Variants in RGS8 observed in about 807,000 individuals in gnomAD.
The protein encoded by RGS8 is regulator of G-protein signaling 8.
RGS8 carries 8 observed loss-of-function variants against 21.7 expected under a neutral mutation model. That is an observed-to-expected ratio of 0.37 (90% CI 0.22 to 0.66). The LOEUF (loss-of-function observed/expected upper bound fraction) is 0.66. Ranked by LOEUF, RGS8 falls within the 30% of genes least tolerant of loss-of-function variation. The pLI is 0.59. For synonymous variants in RGS8, 80 were observed against 83.6 expected (o/e 0.96, Z 0.24); for missense variants, 157 against 217.9 (o/e 0.72, Z 1.76).
At chr1:182,725,624 G>C in the RGS8 span, among the ~76,000 whole-genome samples, 1 of 152,184 alleles carries the variant, frequency 6.6e-6, no homozygotes, top group African/African-American at 2.4e-5. Flanking sequence ...CTGAATCCTA[G>C]GAGTGGGGAC....
exon 7 of RGS8, chr1:182,646,873 C>A: frequency 1.2e-6 from 2 of 1,614,090 alleles, no homozygotes; most frequent in Non-Finnish European, 1.7e-6. Context: ...ATGGCTCCTG[C>A]AGGTTCTTCC....
the RGS8 span, among the ~76,000 whole-genome samples, chr1:182,740,971 G>A: frequency 5.3e-5 from 8 of 152,036 alleles, no homozygotes; most frequent in African/African-American, 1.4e-4. Flanking sequence ...CACAGACACG[G>A]CAACCATCCG....
At chr1:182,719,409 G>A in the RGS8 span, among the ~76,000 whole-genome samples, 1 of 150,428 alleles carries the variant, frequency 6.6e-6, no homozygotes, top group Non-Finnish European at 1.5e-5. Flanking sequence ...CACATGAATT[G>A]TTTGAAAATT....
the RGS8 span, among the ~76,000 whole-genome samples, chr1:182,743,791 A>C: frequency 3.3e-5 from 5 of 152,252 alleles, no homozygotes; most frequent in Non-Finnish European, 7.3e-5. Context: ...ATGTGTATAC[A>C]CACACAATGC....
the RGS8 span, among the ~76,000 whole-genome samples, chr1:182,743,905 A>G: frequency 8.5e-5 from 13 of 152,226 alleles, no homozygotes; most frequent in African/African-American, 2.6e-4. Context: ...GTATGCACAT[A>G]CTCTCTAGTT....
exon 5 of RGS8, chr1:182,666,023 T>C (rs957717731): frequency 6.2e-7 from 1 of 1,613,640 alleles, no homozygotes; most frequent in African/African-American, 1.3e-5. Context: ...GCTTCTTCTG[T>C]CGATAATCTC....
chr1:182,708,090 T>G, the RGS8 span, among the ~76,000 whole-genome samples: 2 of 151,824 alleles, frequency 1.3e-5, no homozygotes, highest in Non-Finnish European at 2.9e-5. Flanking sequence ...CTTAGAAAGG[T>G]TAAGTAATAG....
downstream of RGS8, chr1:182,645,100 TGG>T (rs1179939542): frequency 1.3e-5 from 2 of 152,222 alleles, no homozygotes; most frequent in African/African-American, 4.8e-5. Context: ...TCAAAGTTAC[TGG>T]AGAGGAACAC....
chr1:182,674,924 C>T (rs1664308154), upstream of RGS8, among the ~76,000 whole-genome samples: 1 of 152,188 alleles, frequency 6.6e-6, no homozygotes, highest in African/African-American at 2.4e-5. Flanking sequence ...CTCTGAACTT[C>T]CCAGTCTATA....
the RGS8 span, among the ~76,000 whole-genome samples, chr1:182,705,915 T>G: frequency 6.6e-6 from 1 of 152,182 alleles, no homozygotes; most frequent in East Asian, 1.9e-4. Context: ...CAACAGGCCC[T>G]CTCCTCAGTG....
the RGS8 span, among the ~76,000 whole-genome samples, chr1:182,739,433 G>A: frequency 2.0e-5 from 3 of 152,158 alleles, no homozygotes; most frequent in Non-Finnish European, 2.9e-5. Flanking sequence ...GGGAACTGAT[G>A]TTCTTTCAAT....
chr1:182,662,139 T>C (rs1663622705), intron 5 of RGS8, among the ~76,000 whole-genome samples: 1 of 152,176 alleles, frequency 6.6e-6, no homozygotes, highest in Non-Finnish European at 1.5e-5. Context: ...TCCAGATTTT[T>C]TAAATTCTAA....
At chr1:182,734,004 T>A in the RGS8 span, among the ~76,000 whole-genome samples, 13 of 152,154 alleles carry the variant, frequency 8.5e-5, no homozygotes, top group South Asian at 2.3e-3. Flanking sequence ...CGCTGCAACC[T>A]CCGCCTCCCA....
rs545597013 is a variant in RGS8, at chr1:182,664,849, G to A, written c.193+1120C>T. ...ATTTCATTCTAAAATCTATTCAAAC[G>A]TATTTATTAATTAGTTTATCCAGAT... On this transcript the variant is annotated intron_variant, in intron 5 of 6. Coordinates refer to ENST00000483095, the Ensembl canonical transcript of RGS8. Among the ~76,000 whole-genome samples the A allele has an allele frequency of 8.5e-5, 13 of 152,210 alleles. No homozygotes were observed. The East Asian group carries it at 2.1e-3, about 25-fold the overall frequency.
intron 2 of RGS8, among the ~76,000 whole-genome samples, chr1:182,670,200 G>T (rs1406862668): frequency 6.6e-6 from 1 of 152,142 alleles, no homozygotes; most frequent in African/African-American, 2.4e-5. Context: ...GGAGTGCGTG[G>T]AGACTCGGGA....
intron 3 of RGS8, among the ~76,000 whole-genome samples, chr1:182,667,777 A>T (rs922709099): frequency 6.6e-6 from 1 of 151,958 alleles, no homozygotes; most frequent in Non-Finnish European, 1.5e-5. Flanking sequence ...TCCAGTGAGA[A>T]GTTACTCTAA....
the RGS8 span, among the ~76,000 whole-genome samples, chr1:182,746,180 C>G: frequency 6.6e-6 from 1 of 152,148 alleles, no homozygotes; most frequent in East Asian, 1.9e-4. Context: ...TACTGCCACC[C>G]CAGGTACCAC....
At chr1:182,694,638 C>T in the RGS8 span, among the ~76,000 whole-genome samples, 3 of 151,866 alleles carry the variant, frequency 2.0e-5, no homozygotes, top group African/African-American at 7.3e-5. Context: ...GAAACCCTGT[C>T]TCTACTAAAA....
chr1:182,685,794 G>A (rs1465995), upstream of RGS8, among the ~76,000 whole-genome samples: 2,025 of 152,112 alleles, frequency 0.013, 57 homozygotes, highest in African/African-American at 0.045. Flanking sequence ...GCACCATTTC[G>A]ACAAAATCAG....
Sources: allele counts gnomAD v4.1 joint callset (sites outside exome capture counted in the v4.1 genomes callset), GRCh38; gene constraint gnomAD v4.1.1; transcripts MANE v1.5; gene names NCBI Gene and HGNC (gene_info 2026-07-23, HGNC 2026-07-21).